IL1RL2: variants seen among roughly 807,000 people sequenced by gnomAD.
IL1RL2 encodes interleukin 1 receptor like 2.
IL1RL2 carries 68 observed loss-of-function variants against 66.8 expected under a neutral mutation model. The observed-to-expected ratio is 1.02, with a 90% CI of 0.84 to 1.25. The LOEUF (loss-of-function observed/expected upper bound fraction) is 1.25. Among genes scored for constraint, IL1RL2 ranks in the 50% most tolerant of loss-of-function variants. IL1RL2 has a pLI of 0.00. For synonymous variants in IL1RL2, 305 were observed against 264.6 expected (o/e 1.15, Z -1.48); for missense variants, 729 against 709.3 (o/e 1.03, Z -0.32).
At chr2:102,199,641 G>A (rs1320272756) in intron 4 of IL1RL2, among the ~76,000 whole-genome samples, 2 of 152,134 alleles carry the variant, frequency 1.3e-5, no homozygotes, top group Admixed American at 1.3e-4. Context: ...CAGAATAGAG[G>A]TAGTCTAAGT....
chr2:102,206,922 T>C (rs1206164171), intron 5 of IL1RL2, among the ~76,000 whole-genome samples: 1 of 152,200 alleles, frequency 6.6e-6, no homozygotes, highest in Non-Finnish European at 1.5e-5. Flanking sequence ...CCAAGTGTTT[T>C]TTTGTACTGC....
chr2:102,210,611 T>A (rs1311633524), intron 5 of IL1RL2, among the ~76,000 whole-genome samples: 2 of 152,110 alleles, frequency 1.3e-5, no homozygotes, highest in African/African-American at 4.8e-5. Flanking sequence ...ACAGATTTAG[T>A]GTTGGACTGA....
chr2:102,214,415 T>C (rs956746056), intron 6 of IL1RL2, among the ~76,000 whole-genome samples: 5 of 152,170 alleles, frequency 3.3e-5, no homozygotes, highest in Non-Finnish European at 5.9e-5. Flanking sequence ...TATTATGTAA[T>C]CAGGGAAAAC....
At chr2:102,207,143 T>C (rs1578133344) in intron 5 of IL1RL2, among the ~76,000 whole-genome samples, 1 of 152,272 alleles carries the variant, frequency 6.6e-6, no homozygotes, top group East Asian at 1.9e-4. Context: ...TTCAGGGCAC[T>C]GGGCTCCCTT....
At chr2:102,225,381 T>C (rs1403377045) in intron 8 of IL1RL2, among the ~76,000 whole-genome samples, 1 of 152,250 alleles carries the variant, frequency 6.6e-6, no homozygotes, top group Non-Finnish European at 1.5e-5. Context: ...GAGCCAGCCA[T>C]GCTGGCTTCC....
intron 4 of IL1RL2, among the ~76,000 whole-genome samples, chr2:102,196,956 T>C (rs1478739832): frequency 6.6e-6 from 1 of 152,176 alleles, no homozygotes; most frequent in African/African-American, 2.4e-5. Context: ...GTGAATACAT[T>C]GGAAGGCCTT....
At chr2:102,215,884 A>T (rs553085676) in intron 6 of IL1RL2, among the ~76,000 whole-genome samples, 2 of 152,244 alleles carry the variant, frequency 1.3e-5, no homozygotes, top group Non-Finnish European at 2.9e-5. Flanking sequence ...TTTCTCTAAT[A>T]AAGCTACTTC....
At chr2:102,242,576 A>G (rs998741720), downstream of IL1RL2, among the ~76,000 whole-genome samples, 1 of 152,178 alleles carries the variant, frequency 6.6e-6, no homozygotes, top group African/African-American at 2.4e-5. Flanking sequence ...GCAGTGAGTG[A>G]GGCAGATCTT....
At chr2:102,212,593 T>C (rs1246036242) in intron 6 of IL1RL2, among the ~76,000 whole-genome samples, 3 of 152,308 alleles carry the variant, frequency 2.0e-5, no homozygotes, top group East Asian at 3.9e-4. Context: ...CCTTAATCTA[T>C]ATGGAAAAGG....
intron 4 of IL1RL2, among the ~76,000 whole-genome samples, chr2:102,196,532 G>A (rs1438022173): frequency 6.6e-6 from 1 of 152,182 alleles, no homozygotes; most frequent in Non-Finnish European, 1.5e-5. Context: ...GATGTCATAT[G>A]TCTTCAAAGA....
chr2:102,211,976 A>C, intron 5 of IL1RL2, 124 bp from the exon 6 acceptor site: 1 of 562,182 alleles, frequency 1.8e-6, no homozygotes, highest in East Asian at 2.9e-5. Context: ...GTATTTATGG[A>C]GTGAGATTTT....
intron 11 of IL1RL2, among the ~76,000 whole-genome samples, chr2:102,238,169 C>T (rs11685122): frequency 4.7e-4 from 71 of 152,232 alleles, no homozygotes; most frequent in East Asian, 2.1e-3. Flanking sequence ...GGGCTGCGAG[C>T]GGAGATTGGA....
At chr2:102,210,415 A>C (rs1034305542) in intron 5 of IL1RL2, among the ~76,000 whole-genome samples, 1 of 152,138 alleles carries the variant, frequency 6.6e-6, no homozygotes, top group African/African-American at 2.4e-5. Flanking sequence ...AAAGCAGGAG[A>C]GTAGCATGAG....
At chr2:102,224,759 T>A (rs1690452168) in intron 8 of IL1RL2, among the ~76,000 whole-genome samples, 4 of 152,150 alleles carry the variant, frequency 2.6e-5, no homozygotes, top group African/African-American at 9.7e-5. Context: ...AAATGATGAA[T>A]GTTTGAGGTG....
intron 5 of IL1RL2, among the ~76,000 whole-genome samples, chr2:102,207,144 G>T (rs367736846): frequency 6.6e-6 from 1 of 152,120 alleles, no homozygotes; most frequent in Non-Finnish European, 1.5e-5. Flanking sequence ...TCAGGGCACT[G>T]GGCTCCCTTC....
intron 11 of IL1RL2, among the ~76,000 whole-genome samples, chr2:102,236,428 C>A (rs35185248): frequency 0.012 from 1,890 of 152,306 alleles, 16 homozygotes; most frequent in African/African-American, 0.024. Flanking sequence ...GTGGGATGGA[C>A]TTTCAGGTGC....
At chr2:102,219,122 A>G in intron 7 of IL1RL2, 40 bp downstream of exon 7, 1 of 1,611,254 alleles carries the variant, frequency 6.2e-7, no homozygotes, top group Non-Finnish European at 8.5e-7. Context: ...AACGCTAGCA[A>G]GGATTTCTCC....
chr2:102,219,991 C>T lies in IL1RL2; in HGVS notation c.965C>T (p.Thr322Ile). Residue 322 changes from threonine (T) to isoleucine (I), a missense_variant, in exon 8 of 12, where the codon ACA (threonine) becomes ATA (isoleucine). Transcript: ENST00000264257. ...TTCATGTGCCACGCTGGAGTGTCCA[C>T]AGCATACATTATATTACAGCTCCCA... ...LPFMCHAGVS[T>I]AYIILQLPAP... 1 of 1,613,626 alleles carries T rather than the reference C, an allele frequency of 6.2e-7. No individual in the cohort carries two copies. The highest frequency in any genetic ancestry group is 8.5e-7 in the Non-Finnish European group (1 of 1,179,676).
intron 3 of IL1RL2, among the ~76,000 whole-genome samples, chr2:102,189,704 G>A (rs888836107): frequency 6.6e-6 from 1 of 152,124 alleles, no homozygotes. Flanking sequence ...TGCAACCTCC[G>A]CCTCCCAGGT....
Sources: allele counts gnomAD v4.1 joint callset (sites outside exome capture counted in the v4.1 genomes callset), GRCh38; gene constraint gnomAD v4.1.1; transcripts MANE v1.5; gene names NCBI Gene and HGNC (gene_info 2026-07-23, HGNC 2026-07-21).